Variants in FER1L6 observed in about 807,000 individuals in gnomAD.
FER1L6 encodes the protein fer-1-like protein 6.
In FER1L6, 177 loss-of-function variants were observed where a neutral mutation model predicts 219.2. That is an observed-to-expected ratio of 0.81 (90% CI 0.71 to 0.91). FER1L6 has a LOEUF of 0.91. FER1L6 is among the 40% of genes least tolerant of loss of function. The probability of loss-of-function intolerance (pLI) is 0.00; values close to 1 mark genes in which losing one functional copy is unlikely to be tolerated. For synonymous variants in FER1L6, 768 were observed against 824.3 expected (o/e 0.93, Z 1.17); for missense variants, 2,153 against 2,259.9 (o/e 0.95, Z 0.96).
chr8:123,972,291 T>C (rs1023798564), intron 6 of FER1L6, among the ~76,000 whole-genome samples: 32 of 152,260 alleles, frequency 2.1e-4, no homozygotes, highest in African/African-American at 7.2e-4. Context: ...AGGAGCTGTT[T>C]AGAAGCTGCA....
intron 1 of FER1L6, among the ~76,000 whole-genome samples, chr8:123,878,321 C>A (rs1242482967): frequency 6.6e-6 from 1 of 152,152 alleles, no homozygotes; most frequent in Non-Finnish European, 1.5e-5. Context: ...CAAGTGTAAC[C>A]TGGAGTTCAC....
chr8:124,041,631 G>A (rs185307333), intron 20 of FER1L6, among the ~76,000 whole-genome samples: 2 of 152,276 alleles, frequency 1.3e-5, no homozygotes, highest in East Asian at 3.9e-4. Flanking sequence ...GTGCAGGGCT[G>A]TACAGAGTCC....
intron 1 of FER1L6, among the ~76,000 whole-genome samples, chr8:123,939,355 C>G (rs2129981162): frequency 6.6e-6 from 1 of 152,270 alleles, no homozygotes; most frequent in East Asian, 1.9e-4. Context: ...AATGGAGCCT[C>G]CTTATTAGTG....
At chr8:124,090,330 A>G (rs536741781) in intron 33 of FER1L6, among the ~76,000 whole-genome samples, 1 of 152,326 alleles carries the variant, frequency 6.6e-6, no homozygotes, top group Non-Finnish European at 1.5e-5. Context: ...AGAGAATTCC[A>G]TTCAGACAGT....
At chr8:123,950,735 T>C (rs1460623249) in intron 1 of FER1L6, among the ~76,000 whole-genome samples, 1 of 152,130 alleles carries the variant, frequency 6.6e-6, no homozygotes, top group African/African-American at 2.4e-5. Flanking sequence ...CACAGAAACA[T>C]CCACCTACTA....
chr8:124,033,709 A>G (rs1819073306), intron 18 of FER1L6, among the ~76,000 whole-genome samples: 1 of 152,220 alleles, frequency 6.6e-6, no homozygotes, highest in African/African-American at 2.4e-5. Context: ...TATTACCTAA[A>G]TCTTTGTTCA....
intron 1 of FER1L6, among the ~76,000 whole-genome samples, chr8:123,941,662 C>A (rs986370076): frequency 3.3e-5 from 5 of 152,120 alleles, no homozygotes; most frequent in African/African-American, 1.2e-4. Context: ...GGTAAGGATA[C>A]AATTCTGCAG....
rs530292274 is a variant in FER1L6, at chr8:124,010,833, G to A, written c.1821+119G>A. 13 of 1,386,606 alleles carry A rather than the reference G, an allele frequency of 9.4e-6. No homozygotes were observed. In the South Asian group the frequency reaches 1.8e-4, roughly 20 times the overall value. 85.9% of individuals were successfully genotyped at this position (1,386,606 alleles called of 1,614,324 possible). A position where few individuals can be genotyped will look rare whatever the true frequency, so the allele number is the denominator to read the frequency against. On this transcript the variant is annotated intron_variant, in intron 14 of 40. Coordinates refer to ENST00000522917, the MANE Select transcript of FER1L6 (RefSeq NM_001039112.2). ...GTTCAAACACAAATAAATTGAGGAT[G>A]CTGCATTTGGAGGGCACGTGGATCC...
chr8:123,959,039 T>C lies in FER1L6; in HGVS notation c.76+2965T>C, dbSNP rs186434340. 2.3e-3 allele frequency among the ~76,000 whole-genome samples: 345 copies of C among 152,174 alleles called. 2 individuals carry two copies. Among genetic ancestry groups the C allele is most frequent in the African/African-American group, 7.9e-3 (326 of 41,500 alleles). On this transcript the variant is annotated intron_variant, in intron 2 of 40. Transcript: ENST00000522917. ...AGATTGTGTATGGACTTCAGATTTA[T>C]TCTAAGTGCAATGGAAAGCCATTGA...
intron 1 of FER1L6, among the ~76,000 whole-genome samples, chr8:123,936,441 G>T: frequency 7.1e-6 from 1 of 141,522 alleles, no homozygotes. Context: ...GACATTTTTA[G>T]ATAAAAGATA....
chr8:123,904,148 TC>T (rs1446243744), intron 1 of FER1L6, among the ~76,000 whole-genome samples: 1 of 151,976 alleles, frequency 6.6e-6, no homozygotes, highest in Non-Finnish European at 1.5e-5. Context: ...GGTGTATAAG[TC>T]TTGTTTTGAA....
intron 39 of FER1L6, among the ~76,000 whole-genome samples, chr8:124,105,519 G>A (rs930740519): frequency 6.6e-6 from 1 of 152,178 alleles, no homozygotes; most frequent in Non-Finnish European, 1.5e-5. Flanking sequence ...GGACTAGGCA[G>A]AGATGTAAGA....
At chr8:123,872,782 AC>A (rs1816946821) in intron 1 of FER1L6, among the ~76,000 whole-genome samples, 1 of 152,218 alleles carries the variant, frequency 6.6e-6, no homozygotes, top group African/African-American at 2.4e-5. Context: ...ACTGGGTATT[AC>A]CAACTCCTTG....
intron 1 of FER1L6, among the ~76,000 whole-genome samples, chr8:123,931,495 A>C (rs991419539): frequency 2.0e-5 from 3 of 152,250 alleles, no homozygotes; most frequent in Non-Finnish European, 4.4e-5. Flanking sequence ...GACAAAGGGC[A>C]GTTAGTAAGT....
rs139778160 is a variant in FER1L6 at position 123,910,432 on chromosome 8, A to C, written c.-7-45560A>C. 4.7e-3 allele frequency among the ~76,000 whole-genome samples: 717 copies of C among 152,288 alleles called. 2 individuals carry two copies. The highest frequency in any genetic ancestry group is 0.017 in the Middle Eastern group (5 of 294). ...GGACCTAGGACCTTTTTCGTTCAGC[A>C]TTGCCGGAGTTGCTTTGGGTCAAGA... On this transcript the variant is annotated intron_variant, in intron 1 of 40. Transcript: ENST00000522917.
At chr8:123,968,951 C>T (rs1261816441) in intron 5 of FER1L6, among the ~76,000 whole-genome samples, 6 of 152,180 alleles carry the variant, frequency 3.9e-5, no homozygotes, top group Non-Finnish European at 8.8e-5. Context: ...CTTCCCAGGC[C>T]TGCCTTCCTG....
chr8:124,065,325 T>C (rs1586659558), intron 26 of FER1L6, among the ~76,000 whole-genome samples: 1 of 135,188 alleles, frequency 7.4e-6, no homozygotes. Flanking sequence ...CACTTGAGCC[T>C]GGGAGGCGGA....
At chr8:124,078,115 C>T (rs1821371986) in intron 32 of FER1L6, among the ~76,000 whole-genome samples, 1 of 152,142 alleles carries the variant, frequency 6.6e-6, no homozygotes, top group African/African-American at 2.4e-5. Context: ...TGGTTAATGC[C>T]ACATCCCTAG....
intron 20 of FER1L6, 135 bp downstream of exon 20, chr8:124,040,141 A>G: frequency 8.5e-7 from 1 of 1,178,986 alleles, no homozygotes; most frequent in Non-Finnish European, 1.2e-6. Flanking sequence ...TCAGACTGAA[A>G]AGCGAATATG....
Sources: gnomAD v4.1 joint callset for allele counts (sites outside exome capture counted in the v4.1 genomes callset) on GRCh38, gnomAD v4.1.1 for gene constraint, MANE v1.5 for transcripts, NCBI Gene and HGNC (gene_info 2026-07-23, HGNC 2026-07-21) for gene names.